Variants in DRG2 observed in about 807,000 individuals in gnomAD.
The protein encoded by DRG2 is developmentally-regulated GTP-binding protein 2.
Under a neutral mutation model 53.4 loss-of-function variants are expected in DRG2, and 36 were observed. That is an observed-to-expected ratio of 0.67 (90% CI 0.52 to 0.89). The LOEUF (loss-of-function observed/expected upper bound fraction) is 0.89, where lower values mean the gene tolerates loss of function less well. Ranked by LOEUF, DRG2 falls within the 40% of genes least tolerant of loss-of-function variation. DRG2 has a pLI of 0.00. For synonymous variants in DRG2, 167 were observed against 192.1 expected, an observed-to-expected ratio of 0.87 and a Z score of 1.08; for missense variants, 342 against 481.2, an observed-to-expected ratio of 0.71 and a Z score of 2.71.
rs2045537376 is a variant in DRG2 at position 18,101,570 on chromosome 17, G to A, written c.709G>A (p.Val237Met). The change falls in exon 8 of 13, where the codon GTG becomes ATG. Residue 237 changes from valine (V) to methionine (M), a missense_variant. Transcript: ENST00000225729. Reference sequence around the variant, plus strand: ...CATCGATGTGATCGTGGGCAACCGGGTGTACATGCCCTGCCTGTATGTAAG... The same window carrying A: ...CATCGATGTGATCGTGGGCAACCGGATGTACATGCCCTGCCTGTATGTAAG... ...EFIDVIVGNR[V>M]YMPCLYVYNK... is the part of the protein sequence containing the mutation. The A allele has an allele frequency of 1.2e-6, 2 of 1,614,148 alleles. No individual in the cohort carries two copies. The highest frequency in any genetic ancestry group is 1.7e-6 in the Non-Finnish European group (2 of 1,180,042).
At chr17:18,092,360 A>C (rs1230051652) in intron 1 of DRG2, among the ~76,000 whole-genome samples, 2 of 152,038 alleles carry the variant, frequency 1.3e-5, no homozygotes, top group African/African-American at 4.8e-5. Flanking sequence ...CTAGTTATTC[A>C]GGAGGCTGAG....
At chr17:18,104,552 T>G in intron 10 of DRG2, 71 bp from the exon 11 acceptor site, 1 of 1,608,212 alleles carries the variant, frequency 6.2e-7, no homozygotes, top group South Asian at 1.1e-5. Flanking sequence ...AGCTCTTCCC[T>G]CGCGCAGAAT....
intron 1 of DRG2, among the ~76,000 whole-genome samples, chr17:18,093,231 T>C (rs959408941): frequency 1.3e-5 from 2 of 152,128 alleles, no homozygotes; most frequent in African/African-American, 2.4e-5. Flanking sequence ...TCTCCCAGAA[T>C]TTCCAGAATG....
chr17:18,107,195 C>T lies in DRG2; in HGVS notation c.1050C>T (p.Thr350=), dbSNP rs2045657367. The change falls in exon 13 of 13, where the codon ACC becomes ACT. Residue 350 remains threonine, a synonymous_variant. Transcript: ENST00000225729. ...TKYSPQRVGL[T]HTMEHEDVIQ... ...ACAGTCCGCAGCGGGTGGGCCTGAC[C>T]CACACCATGGAGCATGAGGACGTCA... 6.2e-7 allele frequency: 1 copy of T among 1,613,512 alleles called. No homozygotes were observed. The highest frequency in any genetic ancestry group is 8.5e-7 in the Non-Finnish European group (1 of 1,180,036).
Position 18,100,808 on chromosome 17 carries a change from G to A in DRG2, c.631+149G>A. On this transcript the variant is annotated intron_variant, in intron 7 of 12. Transcript: ENST00000225729. This position sits in a 1 kb window ranked among gnomAD's most constrained non-coding sequence, Gnocchi z 4.1. ...GTCCATTCAAGTAGCCTCTGGGCAAGCTCCAGACTGCCAGGTCTGCAGCCG... is the reference window on the plus strand; with the variant it reads ...GTCCATTCAAGTAGCCTCTGGGCAAACTCCAGACTGCCAGGTCTGCAGCCG... 3 of 757,026 alleles carry A rather than the reference G, an allele frequency of 4.0e-6. No individual in the cohort carries two copies. Among genetic ancestry groups the A allele is most frequent in the South Asian group, 1.6e-5 (1 of 60,808 alleles). The allele number at this position is 757,026 out of a possible 1,614,324, so 46.9% of individuals were successfully genotyped here.
At position 18,098,038 on chromosome 17, in the gene DRG2, A is replaced by G. The variant is rs1445640222; in HGVS notation, c.226-232A>G. The G allele has an allele frequency of 2.4e-6, 1 of 412,430 alleles. No homozygotes were observed. Among genetic ancestry groups the G allele is most frequent in the Non-Finnish European group, 4.5e-6 (1 of 221,814 alleles). 25.5% of individuals were successfully genotyped at this position (412,430 alleles called of 1,614,324 possible). A position where few individuals can be genotyped will look rare whatever the true frequency, so the allele number is the denominator to read the frequency against. ...ATCCAGATCCCTGCCTCTACCTGAG[A>G]CAGTCCTGAGGCCTCCAAGGAACAG... On this transcript the variant is annotated intron_variant, in intron 2 of 12. Coordinates refer to ENST00000225729, the MANE Select transcript of DRG2 (RefSeq NM_001388.5). The surrounding 1 kb of genome is among the most constrained non-coding windows in gnomAD (Gnocchi z 4.1).
intron 1 of DRG2, among the ~76,000 whole-genome samples, chr17:18,092,782 A>T (rs2045355765): frequency 1.3e-5 from 2 of 152,234 alleles, no homozygotes; most frequent in East Asian, 3.8e-4. Context: ...TAGAATGCTC[A>T]TGCCTCTAGG....
intron 9 of DRG2, among the ~76,000 whole-genome samples, chr17:18,102,705 C>T (rs2045562344): frequency 6.6e-6 from 1 of 151,950 alleles, no homozygotes; most frequent in Non-Finnish European, 1.5e-5. Context: ...GAGCCTACCT[C>T]TCCTGGTGCT....
At chr17:18,091,048 G>A (rs1284362166) in intron 1 of DRG2, among the ~76,000 whole-genome samples, 1 of 152,128 alleles carries the variant, frequency 6.6e-6, no homozygotes, top group Non-Finnish European at 1.5e-5. Context: ...TGTGTGCCTG[G>A]GCCCTGTGCT....
intron 1 of DRG2, among the ~76,000 whole-genome samples, chr17:18,091,383 T>C (rs1174902799): frequency 1.3e-5 from 2 of 151,766 alleles, no homozygotes; most frequent in African/African-American, 4.8e-5. Flanking sequence ...GTCAGGAGTT[T>C]GAGACCAACC....
chr17:18,102,597 G>A (rs753317764), intron 9 of DRG2, among the ~76,000 whole-genome samples: 40 of 142,710 alleles, frequency 2.8e-4, no homozygotes, highest in Non-Finnish European at 5.9e-4. Context: ...CTCCAGCCTG[G>A]GCGACAGAGC....
At chr17:18,094,630 C>T (rs189553622) in intron 2 of DRG2, among the ~76,000 whole-genome samples, 26 of 152,172 alleles carry the variant, frequency 1.7e-4, no homozygotes, top group South Asian at 8.3e-4. Flanking sequence ...GGCATATGGG[C>T]GGCCGAAAGG....
Position 18,106,466 on chromosome 17 carries a change from T to G in DRG2, c.988T>G (p.Phe330Val). 3 of 1,613,990 alleles carry G rather than the reference T, an allele frequency of 1.9e-6. No individual in the cohort carries two copies. Among genetic ancestry groups the G allele is most frequent in the Non-Finnish European group, 2.5e-6 (3 of 1,179,926 alleles). ...CATCCACCGGTCACTCGCCAGCCAG[T>G]TCAAGTACGCCCTGGTGTGGGTGAG... ...HRIHRSLASQ[F>V]KYALVWGTST... is the part of the protein sequence containing the mutation. The change falls in exon 12 of 13, where the codon TTC (phenylalanine) becomes GTC (valine). Residue 330 changes from phenylalanine to valine, a missense_variant. By Grantham distance (50) the Phe-to-Val change is conservative. Transcript: ENST00000225729.
chr17:18,088,183 A>T, intron 1 of DRG2, 96 bp downstream of exon 1: 1 of 1,412,034 alleles, frequency 7.1e-7, no homozygotes, highest in Non-Finnish European at 9.5e-7. Context: ...CTGGGGCAAG[A>T]TCCGAGGCCG....
At position 18,100,768 on chromosome 17, in the gene DRG2, C is replaced by T. The variant is rs1379324326; in HGVS notation, c.631+109C>T. On this transcript the variant is annotated intron_variant, in intron 7 of 12. Coordinates refer to ENST00000225729, the MANE Select transcript of DRG2 (RefSeq NM_001388.5). The surrounding 1 kb of genome is among the most constrained non-coding windows in gnomAD (Gnocchi z 4.1). ...TGGAGCAGGGTGGCAGCAGGTCACCCCCACTGCCCCTGCTGTCCATTCAAG... is the reference window on the plus strand; with the variant it reads ...TGGAGCAGGGTGGCAGCAGGTCACCTCCACTGCCCCTGCTGTCCATTCAAG... The T allele has an allele frequency of 1.9e-6, 2 of 1,045,686 alleles. No individual in the cohort carries two copies. The highest frequency in any genetic ancestry group is 1.6e-5 in the African/African-American group (1 of 63,394). 64.8% of individuals were successfully genotyped at this position (1,045,686 alleles called of 1,614,324 possible). A position where few individuals can be genotyped will look rare whatever the true frequency, so the allele number is the denominator to read the frequency against.
chr17:18,100,371 T>G lies in DRG2; in HGVS notation c.476T>G (p.Leu159Arg), dbSNP rs775644445. 11 of 1,614,038 alleles carry G rather than the reference T, an allele frequency of 6.8e-6. No homozygotes were observed. Among genetic ancestry groups the G allele is most frequent in the Non-Finnish European group, 9.3e-6 (11 of 1,180,032 alleles). Residue 159 changes from leucine to arginine, a missense_variant, in exon 6 of 13, where the codon CTG becomes CGG. Leu to Arg is a moderately radical substitution (Grantham distance 102, BLOSUM62 -2). Coordinates refer to ENST00000225729, the MANE Select transcript of DRG2 (RefSeq NM_001388.5). This position sits in a 1 kb window ranked among gnomAD's most constrained non-coding sequence, Gnocchi z 4.1. ...AGGGGTACTCTTCCTAGGTCTCTGC[T>G]GGAGAAGGAGCTGGAGTCTGTGGGC... ...ATKGEVQRSL[L>R]EKELESVGIR...
Position 18,087,997 on chromosome 17 carries a change from G to C in DRG2, c.-27G>C, listed in dbSNP as rs932492765. On this transcript the variant is annotated 5_prime_UTR_variant, in exon 1 of 13. Transcript: ENST00000225729. The stretch of plus-strand genomic sequence containing the variant: ...AATTGCCGGTGCCGCCGCCACCGCT[G>C]TCTGTGCGCCCACCTCTGCTGCTAC... The C allele has an allele frequency of 1.4e-5, 22 of 1,545,974 alleles. No individual in the cohort carries two copies. Among genetic ancestry groups the C allele is most frequent in the South Asian group, 2.4e-5 (2 of 83,364 alleles).
intron 2 of DRG2, among the ~76,000 whole-genome samples, chr17:18,095,235 C>T (rs1299507007): frequency 3.3e-5 from 5 of 151,646 alleles, no homozygotes; most frequent in Non-Finnish European, 4.4e-5. Context: ...TGGTCTCGAA[C>T]TTCTGACCTC....
In DRG2 at chr17:18,101,854, A is replaced by C; in HGVS notation, c.730-67A>C. 4 of 1,514,342 alleles carry C rather than the reference A, an allele frequency of 2.6e-6. No individual in the cohort carries two copies. The South Asian group carries it at 4.7e-5, about 18-fold the overall frequency. 93.8% of individuals were successfully genotyped at this position (1,514,342 alleles called of 1,614,324 possible). ...GAAGGGCTGCAGCCGGCACAGGGCG[A>C]TGGAGGGCCCTTTCCTGGATGCCTT... On this transcript the variant is annotated intron_variant, in intron 8 of 12. Coordinates refer to ENST00000225729, the MANE Select transcript of DRG2 (RefSeq NM_001388.5).
Sources: allele counts gnomAD v4.1 joint callset (sites outside exome capture counted in the v4.1 genomes callset), GRCh38; gene constraint gnomAD v4.1.1; non-coding constraint Gnocchi (gnomAD v3.1); transcripts MANE v1.5; gene names NCBI Gene and HGNC (gene_info 2026-07-23, HGNC 2026-07-21).